Variants in MAP10 observed in about 807,000 individuals in gnomAD.
The protein encoded by MAP10 is microtubule associated protein 10, also known as microtubule-associated protein 10.
A neutral mutation model predicts 6.3 loss-of-function variants in MAP10; 10 were observed. The observed-to-expected ratio is 1.58, with a 90% CI of 0.98 to 2.69. The LOEUF (loss-of-function observed/expected upper bound fraction) is 2.69. MAP10 is among the 30% of genes most tolerant of loss of function. The pLI is 0.00. For synonymous variants in MAP10, 459 were observed against 429.3 expected (o/e 1.07, Z -0.86); for missense variants, 1,189 against 1,086.5 (o/e 1.09, Z -1.33).
chr1:232,805,432 T>G lies in MAP10; in HGVS notation c.-18T>G, dbSNP rs1347881424. 1.2e-6 allele frequency: 2 copies of G among 1,612,222 alleles called. No individual in the cohort carries two copies. The highest frequency in any genetic ancestry group is 1.7e-6 in the Non-Finnish European group (2 of 1,179,382). ...CTCGTTTGCGGAGCCCGCGGCGGCG[T>G]TTCCTGGGGCAACAGCAATGGCGGC... On this transcript the variant is annotated 5_prime_UTR_variant, in exon 1 of 1. Coordinates refer to ENST00000418460, the MANE Select transcript of MAP10 (RefSeq NM_019090.3).
Position 232,805,854 on chromosome 1 carries a change from C to G in MAP10, c.405C>G (p.Cys135Trp). The stretch of plus-strand genomic sequence containing the variant: ...CCACCCCACAGCTCCTGGGGGCCTG[C>G]GACATTTCGCTGGCCACCGCAGCGC... ...PTPTPQLLGA[C>W]DISLATAAHR... The change falls in exon 1 of 1, where the codon TGC (cysteine) becomes TGG (tryptophan). Residue 135 changes from cysteine (C) to tryptophan (W), a missense_variant. Coordinates refer to ENST00000418460, the MANE Select transcript of MAP10 (RefSeq NM_019090.3). The G allele has an allele frequency of 6.3e-7, 1 of 1,589,656 alleles. No homozygotes were observed. The highest frequency in any genetic ancestry group is 8.6e-7 in the Non-Finnish European group (1 of 1,167,516).
In MAP10 at chr1:232,808,066, T is replaced by C. The variant is rs202132336; in HGVS notation, c.2617T>C (p.Phe873Leu). The C allele has an allele frequency of 1.2e-4, 190 of 1,609,166 alleles. No homozygotes were observed. The highest frequency in any genetic ancestry group is 1.5e-4 in the Non-Finnish European group (182 of 1,176,306). The change falls in exon 1 of 1, where the codon TTT becomes CTT. Residue 873 changes from phenylalanine (F) to leucine (L), a missense_variant. Transcript: ENST00000418460. ...NVLDSSTSDH[F>L]EEGNDDVGSL... ...CCTGGATAGCAGTACATCAGATCAC[T>C]TTGAAGAAGGCAATGATGATGTTGG... is the stretch of plus-strand genomic sequence containing the variant.
At position 232,805,563 on chromosome 1, in the gene MAP10, A is replaced by G; in HGVS notation, c.114A>G (p.Glu38=). 3 of 1,557,936 alleles carry G rather than the reference A, an allele frequency of 1.9e-6. No individual in the cohort carries two copies. In the South Asian group the frequency reaches 3.5e-5, roughly 18 times the overall value. Residue 38 remains glutamate, a synonymous_variant, in exon 1 of 1, where the codon GAA becomes GAG. Transcript: ENST00000418460. The stretch of plus-strand genomic sequence containing the variant: ...CTGCCGCAGTGGAGCAGGAGGAGGA[A>G]GAGGAGGAAAAGGAGCAGGGGGAGG... The part of the protein sequence containing the change: ...SPAAAVEQEE[E]EEEKEQGEAS...
the MAP10 span, chr1:232,805,593 G>GTCGC: frequency 6.5e-5 from 101 of 1,556,526 alleles, no homozygotes; most frequent in Non-Finnish European, 8.1e-5. Flanking sequence ...GGGAGGCCTC[G>GTCGC]TCGCCGCGCG....
At position 232,806,674 on chromosome 1, in the gene MAP10, T is replaced by A. The variant is rs1241012781; in HGVS notation, c.1225T>A (p.Tyr409Asn). The stretch of plus-strand genomic sequence containing the variant: ...TTTGTTAGTTGAGTTGTCCTTGTTA[T>A]ATGACCAACCTGTGACAAGTCCTGC... ...NALLVELSLL[Y>N]DQPVTSPAHI... Residue 409 changes from tyrosine to asparagine, a missense_variant, in exon 1 of 1, where the codon TAT (tyrosine) becomes AAT (asparagine). Coordinates refer to ENST00000418460, the MANE Select transcript of MAP10 (RefSeq NM_019090.3). 1 of 1,613,962 alleles carries A rather than the reference T, an allele frequency of 6.2e-7. No individual in the cohort carries two copies. The highest frequency in any genetic ancestry group is 1.1e-5 in the South Asian group (1 of 91,076).
rs377308893 is a variant in MAP10 at position 232,806,584 on chromosome 1, A to T, written c.1135A>T (p.Asn379Tyr). 6.2e-7 allele frequency: 1 copy of T among 1,613,990 alleles called. No individual in the cohort carries two copies. The highest frequency in any genetic ancestry group is 1.1e-5 in the South Asian group (1 of 91,078). The change falls in exon 1 of 1, where the codon AAT becomes TAT. Residue 379 changes from asparagine to tyrosine, a missense_variant. Coordinates refer to ENST00000418460, the MANE Select transcript of MAP10 (RefSeq NM_019090.3). Reference sequence around the variant, plus strand: ...ACATATTCAGAATATAGGAGCAACTAATCAAACATGTCAAACTGAACAAAA... The same window carrying T: ...ACATATTCAGAATATAGGAGCAACTTATCAAACATGTCAAACTGAACAAAA... The part of the protein sequence containing the change: ...PPHIQNIGAT[N>Y]QTCQTEQNRI...
chr1:232,805,437 T>C lies in MAP10; in HGVS notation c.-13T>C. On this transcript the variant is annotated 5_prime_UTR_variant, in exon 1 of 1. Coordinates refer to ENST00000418460, the MANE Select transcript of MAP10 (RefSeq NM_019090.3). ...TTGCGGAGCCCGCGGCGGCGTTTCCTGGGGCAACAGCAATGGCGGCCTCGC... is the reference window on the plus strand; with the variant it reads ...TTGCGGAGCCCGCGGCGGCGTTTCCCGGGGCAACAGCAATGGCGGCCTCGC... 3 of 1,612,126 alleles carry C rather than the reference T, an allele frequency of 1.9e-6. No homozygotes were observed. The highest frequency in any genetic ancestry group is 2.5e-6 in the Non-Finnish European group (3 of 1,179,312).
rs1041828499 is a variant in MAP10, at chr1:232,806,911, A to G, written c.1462A>G (p.Lys488Glu). ...TGAAAAGAGCAGTGGTGCCCTCCAT[A>G]AAAGAGTTCCAAAAGGGAGGCTACT... ...YSEKSSGALHKRVPKGRLLYG... is the reference protein window; with the variant it reads ...YSEKSSGALHERVPKGRLLYG... The change falls in exon 1 of 1, where the codon AAA becomes GAA. Residue 488 changes from lysine to glutamate, a missense_variant. Coordinates refer to ENST00000418460, the MANE Select transcript of MAP10 (RefSeq NM_019090.3). 1 of 1,608,010 alleles carries G rather than the reference A, an allele frequency of 6.2e-7. No homozygotes were observed. Among genetic ancestry groups the G allele is most frequent in the Non-Finnish European group, 8.5e-7 (1 of 1,178,470 alleles).
rs754660522 is a variant in MAP10 at position 232,807,785 on chromosome 1, A to G, written c.2336A>G (p.His779Arg). 4.3e-6 allele frequency: 7 copies of G among 1,613,314 alleles called. No individual in the cohort carries two copies. In the East Asian group the frequency reaches 8.9e-5, roughly 21 times the overall value. The change falls in exon 1 of 1, where the codon CAT becomes CGT. Residue 779 changes from histidine (H) to arginine (R), a missense_variant. Coordinates refer to ENST00000418460, the MANE Select transcript of MAP10 (RefSeq NM_019090.3). ...GSPVHSYRKFHISKTQDKSLE... is the reference protein window; with the variant it reads ...GSPVHSYRKFRISKTQDKSLE... ...CCTGTACACTCATACAGAAAATTTC[A>G]TATTTCAAAGACTCAGGATAAAAGT...
Position 232,807,158 on chromosome 1 carries a change from C to T in MAP10, c.1709C>T (p.Thr570Ile), listed in dbSNP as rs1306848133. The T allele has an allele frequency of 1.9e-6, 3 of 1,612,618 alleles. No homozygotes were observed. The African/African-American group carries it at 4.0e-5, about 22-fold the overall frequency. The change falls in exon 1 of 1, where the codon ACT (threonine) becomes ATT (isoleucine). Residue 570 changes from threonine to isoleucine, a missense_variant. Thr to Ile is a moderately conservative substitution (Grantham distance 89). Coordinates refer to ENST00000418460, the MANE Select transcript of MAP10 (RefSeq NM_019090.3). ...DKYLDSDASFTENSDTSRQIS... is the reference protein window; with the variant it reads ...DKYLDSDASFIENSDTSRQIS... ...TATTTAGATTCAGATGCATCTTTCA[C>T]TGAAAATAGTGATACCTCAAGACAA...
Position 232,805,837 on chromosome 1 carries a change from C to G in MAP10, c.388C>G (p.Gln130Glu), listed in dbSNP as rs1160192999. ...LPPGRPTPTP[Q>E]LLGACDISLA... ...CCCTGGGCGCCCGACGCCCACCCCA[C>G]AGCTCCTGGGGGCCTGCGACATTTC... The change falls in exon 1 of 1, where the codon CAG becomes GAG. Residue 130 changes from glutamine to glutamate, a missense_variant. Physicochemically the swap from Gln to Glu is conservative, Grantham distance 29. Transcript: ENST00000418460. 1 of 1,590,640 alleles carries G rather than the reference C, an allele frequency of 6.3e-7. No individual in the cohort carries two copies. The highest frequency in any genetic ancestry group is 8.6e-7 in the Non-Finnish European group (1 of 1,168,614).
At position 232,807,950 on chromosome 1, in the gene MAP10, G is replaced by A. The variant is rs2102964934; in HGVS notation, c.2501G>A (p.Arg834Lys). The A allele has an allele frequency of 6.2e-7, 1 of 1,612,912 alleles. No homozygotes were observed. Among genetic ancestry groups the A allele is most frequent in the Non-Finnish European group, 8.5e-7 (1 of 1,179,452 alleles). The change falls in exon 1 of 1, where the codon AGA (arginine) becomes AAA (lysine). Residue 834 changes from arginine (R) to lysine (K), a missense_variant. Transcript: ENST00000418460. ...GCTCAAGACATCTCTGTTAAAACAA[G>A]AAGTAGTTGGAAATCTTTAGAAAAA... Reference protein sequence around the residue: ...KRAQDISVKTRSSWKSLEKSQ... With the variant: ...KRAQDISVKTKSSWKSLEKSQ...
rs1845789 is a variant in MAP10 at position 232,808,823 on chromosome 1, C to T, written c.*656C>T. Among the ~76,000 whole-genome samples, 87,299 of 151,968 alleles carry T rather than the reference C, an allele frequency of 0.57. 28,573 individuals are homozygous for T. Among genetic ancestry groups the T allele is most frequent in the South Asian group, 0.74 (3,546 of 4,822 alleles). On this transcript the variant is annotated 3_prime_UTR_variant, in exon 1 of 1. Transcript: ENST00000418460. ...TTTACACATCAGTGCATTTTTGTATCTAGCACAATTCCTGGCATGTGGCTG... is the reference window on the plus strand; with the variant it reads ...TTTACACATCAGTGCATTTTTGTATTTAGCACAATTCCTGGCATGTGGCTG...
chr1:232,807,701 A>T lies in MAP10; in HGVS notation c.2252A>T (p.Lys751Ile). Residue 751 changes from lysine (K) to isoleucine (I), a missense_variant, in exon 1 of 1, where the codon AAA (lysine) becomes ATA (isoleucine). By Grantham distance (102) the Lys-to-Ile change is moderately radical. Transcript: ENST00000418460. Reference sequence around the variant, plus strand: ...AAGTCTAGTGACACAGGAGTGTCCAAAAAGAAAAATAGTAGTGACAGGAGT... The same window carrying T: ...AAGTCTAGTGACACAGGAGTGTCCATAAAGAAAAATAGTAGTGACAGGAGT... ...TSKSSDTGVS[K>I]KKNSSDRSSI... The T allele has an allele frequency of 6.2e-7, 1 of 1,613,706 alleles. No individual in the cohort carries two copies. The highest frequency in any genetic ancestry group is 1.1e-5 in the South Asian group (1 of 91,050).
rs747677964 is a variant in MAP10 at position 232,805,865 on chromosome 1, T to C, written c.416T>C (p.Leu139Pro). 2.5e-6 allele frequency: 4 copies of C among 1,590,876 alleles called. No individual in the cohort carries two copies. Among genetic ancestry groups the C allele is most frequent in the Non-Finnish European group, 3.4e-6 (4 of 1,167,984 alleles). Residue 139 changes from leucine (L) to proline (P), a missense_variant, in exon 1 of 1, where the codon CTG (leucine) becomes CCG (proline). Coordinates refer to ENST00000418460, the MANE Select transcript of MAP10 (RefSeq NM_019090.3). ...CTCCTGGGGGCCTGCGACATTTCGCTGGCCACCGCAGCGCACAGGGTCGTG... is the reference window on the plus strand; with the variant it reads ...CTCCTGGGGGCCTGCGACATTTCGCCGGCCACCGCAGCGCACAGGGTCGTG... ...PQLLGACDIS[L>P]ATAAHRVVGP...
At position 232,806,614 on chromosome 1, in the gene MAP10, A is replaced by G; in HGVS notation, c.1165A>G (p.Ile389Val). The change falls in exon 1 of 1, where the codon ATT (isoleucine) becomes GTT (valine). Residue 389 changes from isoleucine to valine, a missense_variant. Physicochemically the swap from Ile to Val is conservative, Grantham distance 29 (BLOSUM62 3). Transcript: ENST00000418460. The stretch of plus-strand genomic sequence containing the variant: ...AACATGTCAAACTGAACAAAATCGA[A>G]TTAATACAATAAGGCAGTTGCCTTT... Reference protein sequence around the residue: ...NQTCQTEQNRINTIRQLPLLN... With the variant: ...NQTCQTEQNRVNTIRQLPLLN... The G allele has an allele frequency of 6.2e-7, 1 of 1,613,902 alleles. No homozygotes were observed. The highest frequency in any genetic ancestry group is 8.5e-7 in the Non-Finnish European group (1 of 1,179,820).
At position 232,807,593 on chromosome 1, in the gene MAP10, C is replaced by T. The variant is rs1465046278; in HGVS notation, c.2144C>T (p.Thr715Ile). 1.2e-6 allele frequency: 2 copies of T among 1,610,180 alleles called. No homozygotes were observed. The highest frequency in any genetic ancestry group is 1.7e-5 in the Admixed American group (1 of 59,338). ...SSPCYSEDFC[T>I]SEDTSRSFKA... is the part of the protein sequence containing the mutation. ...CCTTGCTATTCTGAAGATTTCTGTA[C>T]CAGTGAGGACACCAGCAGAAGTTTC... Residue 715 changes from threonine to isoleucine, a missense_variant, in exon 1 of 1, where the codon ACC becomes ATC. Physicochemically the swap from Thr to Ile is moderately conservative, Grantham distance 89. Transcript: ENST00000418460.
In MAP10 at chr1:232,805,471, C is replaced by G. The variant is rs751119268; in HGVS notation, c.22C>G (p.Arg8Gly). The change falls in exon 1 of 1, where the codon CGG (arginine) becomes GGG (glycine). Residue 8 changes from arginine to glycine, a missense_variant. By Grantham distance (125) the Arg-to-Gly change is moderately radical (BLOSUM62 -2). Coordinates refer to ENST00000418460, the MANE Select transcript of MAP10 (RefSeq NM_019090.3). Reference protein sequence around the residue: MAASLSERLFSLELLVDW... With the variant: MAASLSEGLFSLELLVDW... The stretch of plus-strand genomic sequence containing the variant: ...AGCAATGGCGGCCTCGCTGTCCGAG[C>G]GGCTCTTCTCGCTGGAGCTGCTGGT... 2 of 1,596,296 alleles carry G rather than the reference C, an allele frequency of 1.3e-6. No homozygotes were observed. Among genetic ancestry groups the G allele is most frequent in the African/African-American group, 1.3e-5 (1 of 74,670 alleles).
Position 232,806,173 on chromosome 1 carries a change from G to T in MAP10, c.724G>T (p.Ala242Ser). The change falls in exon 1 of 1, where the codon GCA (alanine) becomes TCA (serine). Residue 242 changes from alanine to serine, a missense_variant. Coordinates refer to ENST00000418460, the MANE Select transcript of MAP10 (RefSeq NM_019090.3). ...GCTGGGGGAGTTAGAAATCCCAGAG[G>T]CACAGAAGGATTTGAAGGAAATGGT... ...KPLGELEIPE[A>S]QKDLKEMVKS... The T allele has an allele frequency of 6.2e-7, 1 of 1,614,048 alleles. No individual in the cohort carries two copies. The highest frequency in any genetic ancestry group is 2.2e-5 in the East Asian group (1 of 44,886).
Sources: gnomAD v4.1 joint callset for allele counts (sites outside exome capture counted in the v4.1 genomes callset) on GRCh38, gnomAD v4.1.1 for gene constraint, MANE v1.5 for transcripts, NCBI Gene and HGNC (gene_info 2026-07-23, HGNC 2026-07-21) for gene names.